Variants in RHOBTB3 observed in about 807,000 individuals in gnomAD.
The protein encoded by RHOBTB3 is Rho related BTB domain containing 3.
In RHOBTB3, 47 loss-of-function variants were observed where a neutral mutation model predicts 67.2. The observed-to-expected ratio is 0.70, with a 90% CI of 0.55 to 0.89. The LOEUF is 0.89. RHOBTB3 is among the 40% of genes least tolerant of loss of function. RHOBTB3 has a pLI of 0.00. For missense variants in RHOBTB3, 631 were observed against 750.0 expected, an observed-to-expected ratio of 0.84 and a Z score of 1.85; for synonymous variants, 273 against 274.2, an observed-to-expected ratio of 1.00 and a Z score of 0.04.
intron 8 of RHOBTB3, among the ~76,000 whole-genome samples, chr5:95,772,330 G>A (rs1328846460): frequency 1.3e-5 from 2 of 152,174 alleles, no homozygotes; most frequent in Admixed American, 6.5e-5. Context: ...ACCAGACCAA[G>A]CATCTCTGAT....
intron 8 of RHOBTB3, among the ~76,000 whole-genome samples, chr5:95,778,061 G>T (rs1745941152): frequency 6.6e-6 from 1 of 151,848 alleles, no homozygotes; most frequent in Admixed American, 6.6e-5. Flanking sequence ...CGGAGGTTGT[G>T]GTGAGTGAGA....
chr5:95,752,232 G>C lies in RHOBTB3; in HGVS notation c.571-7G>C, dbSNP rs779965535. ...GATCTTCAATTAAAATTTGATTCCT[G>C]TTTTAGTTGGAGTATTTTATGATTC... is the stretch of plus-strand genomic sequence containing the variant. On this transcript the variant is annotated splice_region_variant and splice_polypyrimidine_tract_variant and intron_variant, in intron 4 of 11. Transcript: ENST00000379982. 3.4e-6 allele frequency: 5 copies of C among 1,485,742 alleles called. No individual in the cohort carries two copies. The South Asian group carries it at 6.1e-5, about 18-fold the overall frequency. The allele number at this position is 1,485,742 out of a possible 1,614,324, so 92.0% of individuals were successfully genotyped here. A position where few individuals can be genotyped will look rare whatever the true frequency, so the allele number is the denominator to read the frequency against.
chr5:95,755,982 C>T (rs1271690181), intron 6 of RHOBTB3: 2 of 482,402 alleles, frequency 4.1e-6, no homozygotes, highest in African/African-American at 3.9e-5. Context: ...CTATCAATTT[C>T]ATTTTATTGT....
chr5:95,734,637 CTCTT>C (rs1307113987), intron 2 of RHOBTB3, among the ~76,000 whole-genome samples: 1 of 152,186 alleles, frequency 6.6e-6, no homozygotes, highest in East Asian at 1.9e-4. Flanking sequence ...GTCTTTCTCT[CTCTT>C]TCCCATCCGT....
chr5:95,783,939 A>G lies in RHOBTB3; in HGVS notation c.1599A>G (p.Ile533Met). ...AACTGGCATCCATGAACCTTGATAT[A>G]GTTGACCTGCTTAAAAAGGCCAAGG... is the stretch of plus-strand genomic sequence containing the variant. The part of the protein sequence containing the change: ...SRELASMNLD[I>M]VDLLKKAKFH... Residue 533 changes from isoleucine to methionine, a missense_variant, in exon 10 of 12, where the codon ATA (isoleucine) becomes ATG (methionine). By Grantham distance (10) the Ile-to-Met change is conservative. Coordinates refer to ENST00000379982, the MANE Select transcript of RHOBTB3 (RefSeq NM_014899.4). 4 of 1,612,894 alleles carry G rather than the reference A, an allele frequency of 2.5e-6. No individual in the cohort carries two copies. The highest frequency in any genetic ancestry group is 3.4e-6 in the Non-Finnish European group (4 of 1,179,172).
chr5:95,783,084 C>CT (rs1262583514), intron 9 of RHOBTB3, among the ~76,000 whole-genome samples: 3 of 142,210 alleles, frequency 2.1e-5, no homozygotes, highest in African/African-American at 7.6e-5. Context: ...TTTATTTTTA[C>CT]TTTTTTATTT....
At chr5:95,759,049 G>A (rs1054790273) in intron 6 of RHOBTB3, among the ~76,000 whole-genome samples, 3 of 152,216 alleles carry the variant, frequency 2.0e-5, no homozygotes, top group Non-Finnish European at 4.4e-5. Flanking sequence ...TGTCCCTGAC[G>A]CGAGGAAAAA....
intron 1 of RHOBTB3, among the ~76,000 whole-genome samples, chr5:95,722,692 G>C (rs1406852384): frequency 6.6e-6 from 1 of 152,172 alleles, no homozygotes; most frequent in Non-Finnish European, 1.5e-5. Flanking sequence ...GTTTCACCTT[G>C]TTGGCCAGGC....
Position 95,783,777 on chromosome 5 carries a change from C to T in RHOBTB3, c.1457-20C>T, listed in dbSNP as rs1746137739. 1.9e-6 allele frequency: 3 copies of T among 1,592,462 alleles called. No individual in the cohort carries two copies. In the Admixed American group the frequency reaches 5.1e-5, roughly 27 times the overall value. On this transcript the variant is annotated intron_variant, in intron 9 of 11. Transcript: ENST00000379982. ...AATGGTTTCATCATCCACTTTCTCT[C>T]ATGTCCCTTTTCTCATCAGCTGGCA... is the stretch of plus-strand genomic sequence containing the variant.
At chr5:95,775,250 G>A (rs1745834491) in intron 8 of RHOBTB3, among the ~76,000 whole-genome samples, 1 of 151,844 alleles carries the variant, frequency 6.6e-6, no homozygotes, top group African/African-American at 2.4e-5. Context: ...AATCCAAAAT[G>A]CCCTAAAATC....
chr5:95,784,049 A>G, intron 10 of RHOBTB3, 86 bp downstream of exon 10: 1 of 1,060,056 alleles, frequency 9.4e-7, no homozygotes. Flanking sequence ...ATTTTTTAAC[A>G]TACGTTAATA....
chr5:95,768,247 G>A (rs1183076095), intron 8 of RHOBTB3, 81 bp downstream of exon 8: 1 of 1,387,524 alleles, frequency 7.2e-7, no homozygotes, highest in African/African-American at 1.4e-5. Flanking sequence ...AGGTTTGAAT[G>A]TTTGGTGTGA....
chr5:95,730,273 C>A (rs752509212), upstream of RHOBTB3, among the ~76,000 whole-genome samples: 1 of 152,150 alleles, frequency 6.6e-6, no homozygotes. Context: ...AGAAAAGAAA[C>A]AGTCCAATTT....
chr5:95,732,043 T>A lies in RHOBTB3; in HGVS notation c.187T>A (p.Phe63Ile), dbSNP rs1755286774. Residue 63 changes from phenylalanine (F) to isoleucine (I), a missense_variant, in exon 2 of 12, where the codon TTT (phenylalanine) becomes ATT (isoleucine). By Grantham distance (21) the Phe-to-Ile change is conservative. Coordinates refer to ENST00000379982, the MANE Select transcript of RHOBTB3 (RefSeq NM_014899.4). ...PVFTEYQASAFGNVKLVVHDC... is the reference protein window; with the variant it reads ...PVFTEYQASAIGNVKLVVHDC... The stretch of plus-strand genomic sequence containing the variant: ...GTTCACCGAGTATCAGGCCAGTGCG[T>A]TTGGGAATGTCAAGCTGGTGGTCCA... 6.2e-7 allele frequency: 1 copy of A among 1,614,042 alleles called. No homozygotes were observed. The highest frequency in any genetic ancestry group is 8.5e-7 in the Non-Finnish European group (1 of 1,180,000).
chr5:95,774,485 T>C (rs1745810683), intron 8 of RHOBTB3, among the ~76,000 whole-genome samples: 1 of 152,208 alleles, frequency 6.6e-6, no homozygotes, highest in Non-Finnish European at 1.5e-5. Context: ...ATTTTCTTAC[T>C]GTAGGTGTAA....
chr5:95,795,905 A>ACTACTTAGTTC lies in RHOBTB3; in HGVS notation c.*2731_*2732insCTACTTAGTTC, dbSNP rs1183794615. On this transcript the variant is annotated 3_prime_UTR_variant, in exon 12 of 12. Coordinates refer to ENST00000379982, the MANE Select transcript of RHOBTB3 (RefSeq NM_014899.4). ...TTCCCAGTCATTTTAATTAGAGAAG[A>ACTACTTAGTTC]TACTCTATGGTAGAACTAAGGCCTT... The ACTACTTAGTTC allele has an allele frequency of 3.7e-4, 57 of 152,304 alleles. No individual in the cohort carries two copies. The East Asian group carries it at 8.9e-3, about 24-fold the overall frequency. 9.4% of individuals were successfully genotyped at this position (152,304 alleles called of 1,614,324 possible).
At chr5:95,778,400 G>GT (rs370784300) in intron 8 of RHOBTB3, among the ~76,000 whole-genome samples, 5,005 of 143,750 alleles carry the variant, frequency 0.035, 95 homozygotes, top group South Asian at 0.1. Flanking sequence ...CAGTTGCAGG[G>GT]TTTTTTTTTT....
At chr5:95,735,403 G>C (rs1755430125) in intron 2 of RHOBTB3, among the ~76,000 whole-genome samples, 1 of 152,052 alleles carries the variant, frequency 6.6e-6, no homozygotes, top group Non-Finnish European at 1.5e-5. Context: ...GGAGGGTATG[G>C]GGAACTGGGG....
chr5:95,765,545 A>G (rs538211188), intron 7 of RHOBTB3, among the ~76,000 whole-genome samples: 59 of 152,312 alleles, frequency 3.9e-4, no homozygotes, highest in Non-Finnish European at 7.2e-4. Flanking sequence ...GTAGATTACA[A>G]TTGTGAATCT....
Sources: gnomAD v4.1 joint callset for allele counts (sites outside exome capture counted in the v4.1 genomes callset) on GRCh38, gnomAD v4.1.1 for gene constraint, MANE v1.5 for transcripts, NCBI Gene and HGNC (gene_info 2026-07-23, HGNC 2026-07-21) for gene names.